Variants in DOCK1 observed in about 807,000 individuals in gnomAD.
DOCK1 encodes the protein dedicator of cytokinesis protein 1.
DOCK1 carries 138 observed loss-of-function variants against 262.7 expected under a neutral mutation model. The ratio of observed to expected loss-of-function variants is 0.53; its 90% confidence interval spans 0.46 to 0.61. The LOEUF is 0.61. Ranked by LOEUF, DOCK1 falls within the 20% of genes least tolerant of loss-of-function variation. The probability of loss-of-function intolerance (pLI) is 0.00; values close to 1 mark genes in which losing one functional copy is unlikely to be tolerated. For synonymous variants in DOCK1, 866 were observed against 867.4 expected (o/e 1.00, Z 0.03); for missense variants, 1,908 against 2,370.7 (o/e 0.80, Z 4.05).
chr10:127,231,748 C>A (rs1281868214), intron 27 of DOCK1, among the ~76,000 whole-genome samples: 2 of 152,186 alleles, frequency 1.3e-5, no homozygotes, highest in African/African-American at 4.8e-5. Flanking sequence ...TAAATGTTTT[C>A]CCTTCCTTCT....
chr10:126,944,137 G>A (rs2035219841), intron 1 of DOCK1, among the ~76,000 whole-genome samples: 2 of 151,664 alleles, frequency 1.3e-5, no homozygotes, highest in African/African-American at 4.8e-5. Context: ...TGGTGGGGGT[G>A]GGGAGGAGCC....
chr10:126,986,588 C>T (rs553574848), intron 4 of DOCK1, among the ~76,000 whole-genome samples: 11 of 152,160 alleles, frequency 7.2e-5, no homozygotes, highest in East Asian at 5.8e-4. Flanking sequence ...TTGATGAAAA[C>T]GAGCGCATAA....
At chr10:127,073,433 A>T (rs2046344074) in intron 23 of DOCK1, among the ~76,000 whole-genome samples, 2 of 152,206 alleles carry the variant, frequency 1.3e-5, no homozygotes, top group South Asian at 4.1e-4. Flanking sequence ...AATTACAGAA[A>T]CCCAACTCCA....
intron 27 of DOCK1, among the ~76,000 whole-genome samples, chr10:127,146,832 G>A (rs1370522459): frequency 6.6e-6 from 1 of 152,182 alleles, no homozygotes. Context: ...GCTGGAATTG[G>A]CACGGATTCT....
chr10:126,967,460 G>T (rs920742072), intron 1 of DOCK1, among the ~76,000 whole-genome samples: 43 of 152,206 alleles, frequency 2.8e-4, no homozygotes, highest in Non-Finnish European at 4.9e-4. Flanking sequence ...GTCAATCAGT[G>T]AACCACAAAG....
chr10:127,001,799 G>A (rs115201272), intron 10 of DOCK1, among the ~76,000 whole-genome samples: 607 of 152,316 alleles, frequency 4.0e-3, no homozygotes, highest in African/African-American at 0.014. Flanking sequence ...TGAAAATGGT[G>A]AGGGTGAGGT....
At chr10:127,340,122 G>C in intron 30 of DOCK1, among the ~76,000 whole-genome samples, 1 of 152,000 alleles carries the variant, frequency 6.6e-6, no homozygotes, top group Non-Finnish European at 1.5e-5. Flanking sequence ...GATATAATTA[G>C]ATAATAATAT....
intron 27 of DOCK1, among the ~76,000 whole-genome samples, chr10:127,132,742 G>A (rs1698374763): frequency 1.3e-5 from 2 of 152,246 alleles, no homozygotes; most frequent in African/African-American, 4.8e-5. Context: ...CCTGTGATAC[G>A]CGCTGCTGTT....
rs374713145 is a variant in DOCK1, at chr10:126,989,732, G to A, written c.325-723G>A. Among the ~76,000 whole-genome samples, 53 of 152,240 alleles carry A rather than the reference G, an allele frequency of 3.5e-4. No individual in the cohort carries two copies. In the East Asian group the frequency reaches 9.4e-3, roughly 27 times the overall value. On this transcript the variant is annotated intron_variant, in intron 5 of 51. Coordinates refer to ENST00000623213, the MANE Select transcript of DOCK1 (RefSeq NM_001290223.2). ...TCCCTAATCTCCTTGATTATTGTACGCTTGTAATTGCAAGCTGCAAACTGT... is the reference window on the plus strand; with the variant it reads ...TCCCTAATCTCCTTGATTATTGTACACTTGTAATTGCAAGCTGCAAACTGT...
At chr10:127,065,697 C>T (rs2045821830) in intron 23 of DOCK1, among the ~76,000 whole-genome samples, 1 of 152,140 alleles carries the variant, frequency 6.6e-6, no homozygotes, top group African/African-American at 2.4e-5. Context: ...GCTCCTCCAG[C>T]TCCAGGCATA....
intron 29 of DOCK1, among the ~76,000 whole-genome samples, chr10:127,316,900 T>G (rs2062307081): frequency 6.6e-6 from 1 of 151,520 alleles, no homozygotes; most frequent in Non-Finnish European, 1.5e-5. Context: ...AAACACCCCC[T>G]CTCCAACACT....
intron 29 of DOCK1, among the ~76,000 whole-genome samples, chr10:127,320,795 C>T (rs371820074): frequency 3.3e-5 from 5 of 152,050 alleles, no homozygotes; most frequent in African/African-American, 1.2e-4. Flanking sequence ...CCCCAGGAAA[C>T]CCTGGATCTG....
chr10:126,935,966 G>C (rs1008836211), intron 1 of DOCK1, among the ~76,000 whole-genome samples: 2,017 of 152,356 alleles, frequency 0.013, 19 homozygotes, highest in Middle Eastern at 0.054. Flanking sequence ...AAGTAGGGCT[G>C]TTCTGGAAAA....
At chr10:127,185,954 T>C (rs2056193144) in intron 27 of DOCK1, among the ~76,000 whole-genome samples, 1 of 152,232 alleles carries the variant, frequency 6.6e-6, no homozygotes, top group Admixed American at 6.5e-5. Flanking sequence ...TGTTCTTATA[T>C]TACTCAACTT....
At chr10:126,909,419 T>G (rs2133999202) in intron 1 of DOCK1, among the ~76,000 whole-genome samples, 1 of 152,320 alleles carries the variant, frequency 6.6e-6, no homozygotes, top group Non-Finnish European at 1.5e-5. Flanking sequence ...TACATTTGTG[T>G]GGTTTTAAGC....
At position 127,425,970 on chromosome 10, in the gene DOCK1, C is replaced by T. The variant is rs2068786342; in HGVS notation, c.4873C>T (p.Leu1625=). The T allele has an allele frequency of 6.2e-7, 1 of 1,613,982 alleles. No homozygotes were observed. Among genetic ancestry groups the T allele is most frequent in the Non-Finnish European group, 8.5e-7 (1 of 1,179,900 alleles). The change falls in exon 47 of 52, where the codon CTG becomes TTG. Residue 1625 remains leucine, a synonymous_variant. Transcript: ENST00000623213. ...GAGGATGGAGGCCTGTTTCAAACAGCTGAAGGAAAAGGTGGAGAAAGAGTA... is the reference window on the plus strand; with the variant it reads ...GAGGATGGAGGCCTGTTTCAAACAGTTGAAGGAAAAGGTGGAGAAAGAGTA... ...HERMEACFKQ[L]KEKVEKEYGV...
chr10:127,043,792 G>A (rs1367856686), intron 21 of DOCK1, among the ~76,000 whole-genome samples: 3 of 152,192 alleles, frequency 2.0e-5, no homozygotes, highest in African/African-American at 4.8e-5. Flanking sequence ...TGGGCTTGAT[G>A]TGCAGCTCTG....
chr10:126,948,847 C>T (rs903684649), intron 1 of DOCK1, among the ~76,000 whole-genome samples: 41 of 152,048 alleles, frequency 2.7e-4, no homozygotes, highest in Non-Finnish European at 4.7e-4. Flanking sequence ...CTATGCCTTT[C>T]CTGAGGTTGG....
chr10:127,273,288 G>A lies in DOCK1; in HGVS notation c.3044+15859G>A, dbSNP rs550987834. Among the ~76,000 whole-genome samples, 3 of 152,308 alleles carry A rather than the reference G, an allele frequency of 2.0e-5. No homozygotes were observed. The South Asian group carries it at 6.2e-4, about 32-fold the overall frequency. ...TCCCACTTTGGTATTGCTTTGAGGA[G>A]CTTCCCAGCATTCACCCTTCACCCT... On this transcript the variant is annotated intron_variant, in intron 29 of 51. Coordinates refer to ENST00000623213, the MANE Select transcript of DOCK1 (RefSeq NM_001290223.2).
Sources: gnomAD v4.1 joint callset for allele counts (sites outside exome capture counted in the v4.1 genomes callset) on GRCh38, gnomAD v4.1.1 for gene constraint, MANE v1.5 for transcripts, NCBI Gene and HGNC (gene_info 2026-07-23, HGNC 2026-07-21) for gene names.